The following MYH15 variants were observed in gnomAD, a reference collection of about 807,000 sequenced individuals.
MYH15 encodes myosin-15.
MYH15 carries 227 observed loss-of-function variants against 240.5 expected under a neutral mutation model. The observed-to-expected ratio is 0.94, with a 90% CI of 0.85 to 1.05. The LOEUF (loss-of-function observed/expected upper bound fraction) is 1.05. Ranked by LOEUF, MYH15 falls within the 50% of genes least tolerant of loss-of-function variation. MYH15 has a pLI of 0.00. For synonymous variants in MYH15, 785 were observed against 796.7 expected (o/e 0.99, Z 0.25); for missense variants, 2,217 against 2,247.5 (o/e 0.99, Z 0.27).
chr3:108,382,618 G>A (rs2082351707), intron 40 of MYH15, among the ~76,000 whole-genome samples: 1 of 152,118 alleles, frequency 6.6e-6, no homozygotes, highest in Admixed American at 6.5e-5. Context: ...TTTTTACCAT[G>A]TCAATATGGA....
intron 11 of MYH15, among the ~76,000 whole-genome samples, chr3:108,477,733 C>T (rs1437562874): frequency 2.0e-5 from 3 of 152,070 alleles, no homozygotes; most frequent in Non-Finnish European, 4.4e-5. Flanking sequence ...CTGTTTGCTC[C>T]GTAGTGCCCT....
intron 1 of MYH15, among the ~76,000 whole-genome samples, chr3:108,525,384 G>A (rs975350867): frequency 6.6e-6 from 1 of 151,880 alleles, no homozygotes; most frequent in Admixed American, 6.6e-5. Context: ...ATAATCTTCT[G>A]TAGCTACATG....
At chr3:108,440,882 T>C in intron 23 of MYH15, 136 bp downstream of exon 23, 1 of 1,050,276 alleles carries the variant, frequency 9.5e-7, no homozygotes, top group Middle Eastern at 2.1e-4. Context: ...TTTGTGCCAG[T>C]TCTGACTCTC....
intron 25 of MYH15, among the ~76,000 whole-genome samples, chr3:108,437,140 T>C (rs2082845115): frequency 6.6e-6 from 1 of 152,034 alleles, no homozygotes; most frequent in African/African-American, 2.4e-5. Flanking sequence ...GGCAAACATA[T>C]ATTATTTAAG....
At chr3:108,411,107 A>G (rs1006635505) in intron 30 of MYH15, among the ~76,000 whole-genome samples, 175 bp from the exon 31 acceptor site, 2 of 152,148 alleles carry the variant, frequency 1.3e-5, no homozygotes, top group African/African-American at 4.8e-5. Flanking sequence ...ACTGTCTATG[A>G]CCACCATCCT....
At chr3:108,535,781 A>G in the MYH15 span, among the ~76,000 whole-genome samples, 2 of 152,332 alleles carry the variant, frequency 1.3e-5, no homozygotes, top group African/African-American at 2.4e-5. Context: ...ATCTTCTTAT[A>G]GTTAATAAAA....
upstream of MYH15, chr3:108,529,457 T>C (rs1559678715): frequency 5.7e-6 from 3 of 524,632 alleles, no homozygotes; most frequent in Non-Finnish European, 1.0e-5. Flanking sequence ...AGGGAAATAA[T>C]TTCAAAATTC....
At chr3:108,467,273 T>A (rs140586952) in intron 14 of MYH15, among the ~76,000 whole-genome samples, 1 of 151,614 alleles carries the variant, frequency 6.6e-6, no homozygotes, top group African/African-American at 2.4e-5. Context: ...AGAATACTCA[T>A]GTGCATACAA....
chr3:108,458,092 C>T (rs1448088796), intron 18 of MYH15, among the ~76,000 whole-genome samples: 3 of 152,186 alleles, frequency 2.0e-5, no homozygotes, highest in Non-Finnish European at 4.4e-5. Context: ...GAGTAGAATC[C>T]TATGACACCT....
chr3:108,433,244 T>G (rs1305882165), intron 25 of MYH15, among the ~76,000 whole-genome samples: 1 of 152,204 alleles, frequency 6.6e-6, no homozygotes, highest in Non-Finnish European at 1.5e-5. Flanking sequence ...ATAGGGCCTG[T>G]AGCCCCTTTG....
At chr3:108,455,642 G>A in intron 20 of MYH15, 94 bp downstream of exon 20, 2 of 1,392,092 alleles carry the variant, frequency 1.4e-6, no homozygotes, top group Non-Finnish European at 2.0e-6. Flanking sequence ...GAGAGCTGAA[G>A]AATGCCTTAT....
rs754012561 is a variant in MYH15 at position 108,384,761 on chromosome 3, G to C, written c.5557C>G (p.Leu1853Val). ...TCCATCTGAGTTTGCATCCTGCTCA[G>C]ATTCTTCTTGTCTTCCTCTGCCTGC... ...TYQAEEDKKN[L>V]SRMQTQMDKL... is the part of the protein sequence containing the mutation. The change falls in exon 39 of 41, where the codon CTG (leucine) becomes GTG (valine). Residue 1853 changes from leucine to valine, a missense_variant. Coordinates refer to ENST00000693548, the MANE Select transcript of MYH15 (RefSeq NM_014981.3). The C allele has an allele frequency of 1.2e-6, 2 of 1,613,762 alleles. No individual in the cohort carries two copies. The highest frequency in any genetic ancestry group is 1.7e-6 in the Non-Finnish European group (2 of 1,179,838).
At chr3:108,429,119 A>T (rs939745767) in intron 26 of MYH15, among the ~76,000 whole-genome samples, 5 of 152,168 alleles carry the variant, frequency 3.3e-5, no homozygotes, top group African/African-American at 1.2e-4. Flanking sequence ...AATTATATAG[A>T]TGGAGGGGAA....
In MYH15 at chr3:108,411,436, T is replaced by C. The variant is rs531728465; in HGVS notation, c.4146-504A>G. Among the ~76,000 whole-genome samples, 19 of 152,308 alleles carry C rather than the reference T, an allele frequency of 1.2e-4. No homozygotes were observed. The South Asian group carries it at 3.7e-3, about 30-fold the overall frequency. ...CTCCTCAACATGACACAATTCTTTC[T>C]TCTCTCCGAGTTTGTTCTCCACCTC... On this transcript the variant is annotated intron_variant, in intron 30 of 40. Transcript: ENST00000693548.
upstream of MYH15, chr3:108,529,345 G>C (rs74745030): frequency 3.4e-5 from 42 of 1,238,070 alleles, no homozygotes; most frequent in South Asian, 1.4e-4. Flanking sequence ...GATCCGATGA[G>C]AGAATGATAG....
intron 26 of MYH15, among the ~76,000 whole-genome samples, chr3:108,430,555 T>A (rs1382120579): frequency 6.6e-6 from 1 of 152,368 alleles, no homozygotes; most frequent in South Asian, 2.1e-4. Flanking sequence ...GAAGGATTCA[T>A]GAGTGAAAAA....
At chr3:108,408,190 G>C in intron 32 of MYH15, 90 bp downstream of exon 32, 1 of 1,377,690 alleles carries the variant, frequency 7.3e-7, no homozygotes, top group South Asian at 1.4e-5. Flanking sequence ...ATTTGAATAC[G>C]TGTCCTTTTG....
At chr3:108,460,211 C>A (rs2107580625) in intron 17 of MYH15, 89 bp downstream of exon 17, 2 of 1,147,968 alleles carry the variant, frequency 1.7e-6, no homozygotes, top group South Asian at 1.7e-5. Flanking sequence ...ATACTTTATC[C>A]TTATTTGAAG....
intron 27 of MYH15, 119 bp downstream of exon 27, chr3:108,428,373 T>C: frequency 8.1e-7 from 1 of 1,231,812 alleles, no homozygotes; most frequent in Non-Finnish European, 1.1e-6. Flanking sequence ...ACTATAGTCT[T>C]CATTAGAAAA....
Sources: allele counts gnomAD v4.1 joint callset (sites outside exome capture counted in the v4.1 genomes callset), GRCh38; gene constraint gnomAD v4.1.1; transcripts MANE v1.5; gene names NCBI Gene and HGNC (gene_info 2026-07-23, HGNC 2026-07-21).